The following ROBO2 variants were observed in gnomAD, a reference collection of about 807,000 sequenced individuals.
The protein encoded by ROBO2 is roundabout guidance receptor 2.
In ROBO2, 53 loss-of-function variants were observed where a neutral mutation model predicts 160.8. That is an observed-to-expected ratio of 0.33 (90% CI 0.26 to 0.41). The LOEUF (loss-of-function observed/expected upper bound fraction) is 0.41. Ranked by LOEUF, ROBO2 falls within the 10% of genes least tolerant of loss-of-function variation. The pLI is 1.00. For synonymous variants in ROBO2, 664 were observed against 611.7 expected, an observed-to-expected ratio of 1.09 and a Z score of -1.26; for missense variants, 1,577 against 1,722.4, an observed-to-expected ratio of 0.92 and a Z score of 1.49.
rs1458152580 is a variant in ROBO2 at position 76,515,303 on chromosome 3, G to A, written c.109+577701G>A. ...AATTAAACAAAGCATTCAGGTGAAA[G>A]GGAAAAAATGAAGTCATGTTATTTG... On this transcript the variant is annotated intron_variant, in intron 2 of 26. Coordinates refer to the ROBO2 transcript ENST00000487694. Among the ~76,000 whole-genome samples, 7 of 152,126 alleles carry A rather than the reference G, an allele frequency of 4.6e-5. No individual in the cohort carries two copies. In the East Asian group the frequency reaches 1.4e-3, roughly 29 times the overall value.
At chr3:77,464,033 C>G (rs1032670402) in intron 2 of ROBO2, among the ~76,000 whole-genome samples, 3 of 152,138 alleles carry the variant, frequency 2.0e-5, no homozygotes, top group Non-Finnish European at 4.4e-5. Flanking sequence ...CTTTTATGAA[C>G]TACTTCCTTT....
chr3:77,502,681 TA>T (rs1330537992), intron 5 of ROBO2, among the ~76,000 whole-genome samples: 1 of 152,048 alleles, frequency 6.6e-6, no homozygotes, highest in Non-Finnish European at 1.5e-5. Flanking sequence ...AAAGCAACAA[TA>T]AAAATAATAG....
intron 2 of ROBO2, among the ~76,000 whole-genome samples, chr3:76,090,442 AAAAC>A (rs1338719151): frequency 1.3e-5 from 2 of 149,580 alleles, no homozygotes; most frequent in East Asian, 3.9e-4. Context: ...AACAAAAACA[AAAAC>A]AAAAAGCTAA....
chr3:76,211,410 A>G (rs6792945), intron 2 of ROBO2, among the ~76,000 whole-genome samples: 148,041 of 152,150 alleles, frequency 0.97, 72,154 homozygotes, highest in East Asian at 1. Flanking sequence ...AATAGATGAT[A>G]GTATTTTATG....
intron 23 of ROBO2, among the ~76,000 whole-genome samples, chr3:77,627,348 C>G (rs553205919): frequency 6.6e-6 from 1 of 152,168 alleles, no homozygotes; most frequent in Non-Finnish European, 1.5e-5. Context: ...GGCACTATCT[C>G]TGTTCACTGC....
At chr3:77,342,223 G>T (rs28684430) in intron 2 of ROBO2, among the ~76,000 whole-genome samples, 1 of 152,196 alleles carries the variant, frequency 6.6e-6, no homozygotes, top group African/African-American at 2.4e-5. Context: ...AGAACAGCTG[G>T]ATGCTTTATT....
intron 2 of ROBO2, among the ~76,000 whole-genome samples, chr3:77,123,739 G>T (rs371053054): frequency 1.1e-5 from 1 of 88,008 alleles, no homozygotes; most frequent in African/African-American, 5.1e-5. Flanking sequence ...TATGTATCTA[G>T]ATATATAATC....
chr3:76,598,787 A>AT (rs1560210533), intron 2 of ROBO2, among the ~76,000 whole-genome samples: 1 of 152,172 alleles, frequency 6.6e-6, no homozygotes, highest in African/African-American at 2.4e-5. Context: ...ATAAATTATC[A>AT]TATCTAAAAT....
chr3:77,576,279 G>A (rs1175140581), intron 14 of ROBO2, among the ~76,000 whole-genome samples: 1 of 151,892 alleles, frequency 6.6e-6, no homozygotes, highest in African/African-American at 2.4e-5. Flanking sequence ...TGCAAATATG[G>A]CTATACCTAA....
intron 2 of ROBO2, among the ~76,000 whole-genome samples, chr3:76,748,652 T>C (rs2093931634): frequency 1.3e-5 from 2 of 151,846 alleles, no homozygotes; most frequent in South Asian, 4.1e-4. Context: ...AGTGGGTACA[T>C]TTTTCACTTA....
At chr3:76,012,587 G>A (rs376609430) in intron 2 of ROBO2, among the ~76,000 whole-genome samples, 2 of 151,488 alleles carry the variant, frequency 1.3e-5, no homozygotes, top group African/African-American at 4.8e-5. Flanking sequence ...CATGGATCGT[G>A]ATGTTTGTGA....
At chr3:76,602,122 G>A (rs2087198054) in intron 2 of ROBO2, among the ~76,000 whole-genome samples, 1 of 152,146 alleles carries the variant, frequency 6.6e-6, no homozygotes, top group Admixed American at 6.5e-5. Context: ...ACCTCAGCCT[G>A]GACCTTATTG....
chr3:76,200,808 C>T (rs1176306517), intron 2 of ROBO2, among the ~76,000 whole-genome samples: 1 of 152,122 alleles, frequency 6.6e-6, no homozygotes, highest in Non-Finnish European at 1.5e-5. Flanking sequence ...TGTTGCCTAG[C>T]CATGAGTGGG....
chr3:76,152,248 C>T (rs1481044550), intron 2 of ROBO2, among the ~76,000 whole-genome samples: 1 of 152,080 alleles, frequency 6.6e-6, no homozygotes. Flanking sequence ...TAAATGGCAG[C>T]TGCATTCATT....
intron 2 of ROBO2, among the ~76,000 whole-genome samples, chr3:77,339,274 A>G (rs1188649899): frequency 6.6e-6 from 1 of 152,094 alleles, no homozygotes; most frequent in Non-Finnish European, 1.5e-5. Flanking sequence ...AGCCAGGCAA[A>G]TATTGACTGT....
intron 1 of ROBO2, among the ~76,000 whole-genome samples, chr3:75,928,831 T>G (rs1213860066): frequency 1.3e-5 from 2 of 150,036 alleles, no homozygotes; most frequent in Non-Finnish European, 3.0e-5. Flanking sequence ...TCAATGTACC[T>G]TCAAACATGA....
intron 19 of ROBO2, among the ~76,000 whole-genome samples, chr3:77,598,715 C>T (rs150156208): frequency 5.3e-5 from 8 of 151,994 alleles, no homozygotes; most frequent in South Asian, 4.2e-4. Flanking sequence ...CTAAGTGACC[C>T]GACTGTGAGC....
In ROBO2 at chr3:75,995,415, G is replaced by A. The variant is rs573765504; in HGVS notation, c.109+57813G>A. On this transcript the variant is annotated intron_variant, in intron 2 of 26. Coordinates refer to the ROBO2 transcript ENST00000487694. Reference sequence around the variant, plus strand: ...CAGGCCTTTGCAACTTAAGGGTGATGTTGGGCCCATTGGTATACAAAAGTT... The same window carrying A: ...CAGGCCTTTGCAACTTAAGGGTGATATTGGGCCCATTGGTATACAAAAGTT... Among the ~76,000 whole-genome samples the A allele has an allele frequency of 1.5e-3, 230 of 152,302 alleles. 3 individuals are homozygous for A. The highest frequency in any genetic ancestry group is 5.1e-3 in the African/African-American group (214 of 41,574).
At chr3:77,072,559 G>C (rs1349407573) in intron 1 of ROBO2, among the ~76,000 whole-genome samples, 2 of 152,070 alleles carry the variant, frequency 1.3e-5, no homozygotes, top group Admixed American at 6.6e-5. Context: ...CCATTTGTCT[G>C]TCAGGACTAT....
Sources: gnomAD v4.1 joint callset for allele counts (sites outside exome capture counted in the v4.1 genomes callset) on GRCh38, gnomAD v4.1.1 for gene constraint, MANE v1.5 for transcripts, NCBI Gene and HGNC (gene_info 2026-07-23, HGNC 2026-07-21) for gene names.